PRDM5: variants seen among roughly 807,000 people sequenced by gnomAD.
PRDM5 encodes the protein PR/SET domain 5, also known as PR domain zinc finger protein 5.
PRDM5 carries 56 observed loss-of-function variants against 81.2 expected under a neutral mutation model. The observed-to-expected ratio is 0.69, with a 90% CI of 0.56 to 0.86. The LOEUF (loss-of-function observed/expected upper bound fraction) is 0.86. Among genes scored for constraint, PRDM5 ranks in the 40% least tolerant of loss-of-function variants. The probability of loss-of-function intolerance (pLI) is 0.00; values close to 1 mark genes in which losing one functional copy is unlikely to be tolerated. For missense variants in PRDM5, 697 were observed against 770.1 expected, an observed-to-expected ratio of 0.91 and a Z score of 1.12; for synonymous variants, 267 against 256.4, an observed-to-expected ratio of 1.04 and a Z score of -0.39.
intron 1 of PRDM5, among the ~76,000 whole-genome samples, chr4:120,910,024 G>T (rs889627182): frequency 6.6e-6 from 1 of 151,490 alleles, no homozygotes; most frequent in Admixed American, 6.6e-5. Context: ...CTGTGATACT[G>T]TATAAATTTC....
chr4:120,742,064 T>G (rs928568289), intron 14 of PRDM5, among the ~76,000 whole-genome samples: 1 of 152,192 alleles, frequency 6.6e-6, no homozygotes, highest in Non-Finnish European at 1.5e-5. Flanking sequence ...GTTCTCCCAG[T>G]ACGCAGCTGG....
intron 2 of PRDM5, among the ~76,000 whole-genome samples, chr4:120,860,949 C>A (rs1760496134): frequency 6.6e-6 from 1 of 152,140 alleles, no homozygotes; most frequent in Admixed American, 6.6e-5. Flanking sequence ...TAGCGTTGCC[C>A]AATTTTTAAT....
chr4:120,758,406 G>A (rs973693510), intron 13 of PRDM5, among the ~76,000 whole-genome samples: 1 of 152,074 alleles, frequency 6.6e-6, no homozygotes, highest in Non-Finnish European at 1.5e-5. Context: ...CTCATAATGT[G>A]GCCTTACTTG....
chr4:120,688,818 T>G (rs1483672378), downstream of PRDM5, among the ~76,000 whole-genome samples: 1 of 152,170 alleles, frequency 6.6e-6, no homozygotes, highest in Non-Finnish European at 1.5e-5. Context: ...TTCTGTTCCA[T>G]TGGCCTGTAC....
At chr4:120,862,506 G>A (rs1760717097) in intron 2 of PRDM5, among the ~76,000 whole-genome samples, 1 of 152,190 alleles carries the variant, frequency 6.6e-6, no homozygotes, top group African/African-American at 2.4e-5. Flanking sequence ...AGAGAAGAGT[G>A]CATTATGAAA....
intron 13 of PRDM5, among the ~76,000 whole-genome samples, chr4:120,767,594 C>T (rs1449912253): frequency 6.6e-6 from 1 of 152,156 alleles, no homozygotes; most frequent in Non-Finnish European, 1.5e-5. Context: ...AAAGGTCCAA[C>T]TGCCAATTAG....
rs56024428 is a variant in PRDM5, at chr4:120,750,687, TACACACACAC to T, written c.1623+3856_1623+3865del. On this transcript the variant is annotated intron_variant, in intron 14 of 15. Coordinates refer to ENST00000264808, the MANE Select transcript of PRDM5 (RefSeq NM_018699.4). ...CTAGACTTAGAGACTTAGTTTCTTTTACACACACACACACACACACACACACACACACGCG... is the reference window on the plus strand; with the variant it reads ...CTAGACTTAGAGACTTAGTTTCTTTTACACACACACACACACACACACGCG... Among the ~76,000 whole-genome samples, 46 of 147,628 alleles carry T rather than the reference TACACACACAC, an allele frequency of 3.1e-4. No individual in the cohort carries two copies. In the East Asian group the frequency reaches 6.6e-3, roughly 21 times the overall value.
intron 13 of PRDM5, 116 bp from the exon 14 acceptor site, chr4:120,754,754 A>C (rs2149154840): frequency 1.3e-6 from 1 of 765,176 alleles, no homozygotes; most frequent in African/African-American, 1.7e-5. Flanking sequence ...TGCTACTTCA[A>C]GAAGTGGCTC....
intron 2 of PRDM5, among the ~76,000 whole-genome samples, chr4:120,883,405 T>C (rs561604200): frequency 6.6e-6 from 1 of 152,258 alleles, no homozygotes; most frequent in South Asian, 2.1e-4. Context: ...CAATAAATAC[T>C]AAAAACTGAT....
In PRDM5 at chr4:120,799,745, T is replaced by G; in HGVS notation, c.946A>C (p.Ile316Leu). Residue 316 changes from isoleucine (I) to leucine (L), a missense_variant and splice_region_variant, in exon 9 of 16, where the codon ATT (isoleucine) becomes CTT (leucine). Transcript: ENST00000264808. ...TCTTGACAATCAAATATCTCATGAATCTGCAAAAGGTTAAATAGACAGTTA... is the reference window on the plus strand; with the variant it reads ...TCTTGACAATCAAATATCTCATGAAGCTGCAAAAGGTTAAATAGACAGTTA... ...SASSLQEHRK[I>L]HEIFDCQECM... The G allele has an allele frequency of 6.2e-7, 1 of 1,611,904 alleles. No homozygotes were observed. The highest frequency in any genetic ancestry group is 8.5e-7 in the Non-Finnish European group (1 of 1,179,078).
intron 3 of PRDM5, among the ~76,000 whole-genome samples, chr4:120,837,005 T>C (rs1757438114): frequency 6.6e-6 from 1 of 152,214 alleles, no homozygotes. Context: ...GAGGCTATTC[T>C]ACCCACCTGC....
rs343188 is a variant in PRDM5 at position 120,819,313 on chromosome 4, C to T, written c.476-786G>A. On this transcript the variant is annotated intron_variant, in intron 4 of 15. Transcript: ENST00000264808. ...TGGCATATTTTTAAACTTAAAGTAC[C>T]ACAATTTATTTAACCAAACTCTTCA... 7.8e-3 allele frequency among the ~76,000 whole-genome samples: 1,183 copies of T among 152,174 alleles called. 14 individuals are homozygous for T. The highest frequency in any genetic ancestry group is 0.027 in the African/African-American group (1,120 of 41,516).
intron 8 of PRDM5, among the ~76,000 whole-genome samples, chr4:120,803,827 T>G (rs1752490890): frequency 6.6e-6 from 1 of 152,194 alleles, no homozygotes; most frequent in Admixed American, 6.5e-5. Context: ...AACATCATAA[T>G]GATAGGATCA....
chr4:120,915,963 G>T (rs1724102473), intron 1 of PRDM5, among the ~76,000 whole-genome samples: 1 of 152,176 alleles, frequency 6.6e-6, no homozygotes, highest in Non-Finnish European at 1.5e-5. Flanking sequence ...ACTGTGGGGA[G>T]AAGAACAAGA....
chr4:120,776,043 C>G (rs889555958), intron 13 of PRDM5, among the ~76,000 whole-genome samples: 6 of 152,126 alleles, frequency 3.9e-5, no homozygotes, highest in African/African-American at 1.4e-4. Context: ...CCATGTGCTG[C>G]CCTCTGCTTT....
At chr4:120,734,189 A>AC (rs1740704007) in intron 14 of PRDM5, among the ~76,000 whole-genome samples, 1 of 151,896 alleles carries the variant, frequency 6.6e-6, no homozygotes, top group African/African-American at 2.4e-5. Flanking sequence ...AGGCTAAGCC[A>AC]CCTGGGCTCC....
chr4:120,786,061 A>G (rs1213708353), intron 10 of PRDM5, among the ~76,000 whole-genome samples: 1 of 152,172 alleles, frequency 6.6e-6, no homozygotes, highest in East Asian at 1.9e-4. Flanking sequence ...AAATTAAACT[A>G]TTATCTCATA....
At chr4:120,850,786 T>C (rs966250033) in intron 3 of PRDM5, among the ~76,000 whole-genome samples, 1 of 152,180 alleles carries the variant, frequency 6.6e-6, no homozygotes, top group African/African-American at 2.4e-5. Context: ...TTGTGATTTA[T>C]ATTTTCTTTC....
intron 3 of PRDM5, among the ~76,000 whole-genome samples, chr4:120,846,052 T>G (rs917063567): frequency 1.3e-5 from 2 of 152,190 alleles, no homozygotes; most frequent in Non-Finnish European, 2.9e-5. Context: ...TGTAATCTCA[T>G]GATAAAACTT....
Sources: gnomAD v4.1 joint callset for allele counts (sites outside exome capture counted in the v4.1 genomes callset) on GRCh38, gnomAD v4.1.1 for gene constraint, MANE v1.5 for transcripts, NCBI Gene and HGNC (gene_info 2026-07-23, HGNC 2026-07-21) for gene names.